PDE8A: variants seen among roughly 807,000 people sequenced by gnomAD.
PDE8A encodes the protein phosphodiesterase 8A.
PDE8A carries 59 observed loss-of-function variants against 105.0 expected under a neutral mutation model. The ratio of observed to expected loss-of-function variants is 0.56; its 90% CI spans 0.46 to 0.70. The LOEUF (loss-of-function observed/expected upper bound fraction) is 0.70, where lower values mean the gene tolerates loss of function less well. Ranked by LOEUF, PDE8A falls within the 30% of genes least tolerant of loss-of-function variation. PDE8A has a pLI of 0.00. For missense variants in PDE8A, 1,014 were observed against 1,045.9 expected (o/e 0.97, Z 0.42); for synonymous variants, 355 against 371.9 (o/e 0.95, Z 0.52).
intron 3 of PDE8A, among the ~76,000 whole-genome samples, chr15:85,069,750 C>T (rs554496386): frequency 7.2e-5 from 11 of 152,240 alleles, no homozygotes; most frequent in African/African-American, 2.2e-4. Flanking sequence ...ATGTAATCCC[C>T]GATCACATTT....
intron 1 of PDE8A, among the ~76,000 whole-genome samples, chr15:85,061,781 AT>A (rs899516883): frequency 6.6e-6 from 1 of 151,754 alleles, no homozygotes. Context: ...TCTGTTCACT[AT>A]TTTTTTAAAG....
intron 1 of PDE8A, among the ~76,000 whole-genome samples, chr15:85,061,856 C>T (rs2081151268): frequency 6.6e-6 from 1 of 152,092 alleles, no homozygotes; most frequent in African/African-American, 2.4e-5. Context: ...CTCATTCTTT[C>T]TTTTGCCTGC....
intron 1 of PDE8A, among the ~76,000 whole-genome samples, chr15:85,029,263 T>C (rs923567792): frequency 4.6e-5 from 7 of 152,186 alleles, no homozygotes; most frequent in African/African-American, 1.4e-4. Context: ...GACTATTTTT[T>C]TAATGACCCA....
chr15:85,110,683 ATCT>A (rs1461047336), intron 12 of PDE8A, among the ~76,000 whole-genome samples: 17 of 152,282 alleles, frequency 1.1e-4, no homozygotes, highest in South Asian at 6.2e-4. Flanking sequence ...TTGTGTGCAC[ATCT>A]TCTTCTTGTT....
chr15:85,115,147 C>T, intron 14 of PDE8A: 1 of 386,898 alleles, frequency 2.6e-6, no homozygotes, highest in Non-Finnish European at 4.6e-6. Context: ...GCTTAAAGAC[C>T]ACCCACCCCT....
At chr15:85,039,060 G>C (rs1201844320) in intron 1 of PDE8A, among the ~76,000 whole-genome samples, 2 of 151,718 alleles carry the variant, frequency 1.3e-5, no homozygotes, top group African/African-American at 4.8e-5. Context: ...GGCAGAGGTT[G>C]CAGTGAGCCG....
intron 5 of PDE8A, among the ~76,000 whole-genome samples, chr15:85,079,532 A>C (rs1298966862): frequency 6.6e-6 from 1 of 152,240 alleles, no homozygotes; most frequent in African/African-American, 2.4e-5. Flanking sequence ...GGAAATAGGG[A>C]GTTTACAGCA....
chr15:85,074,681 A>C (rs2081357455), intron 3 of PDE8A, among the ~76,000 whole-genome samples: 2 of 152,216 alleles, frequency 1.3e-5, no homozygotes, highest in African/African-American at 4.8e-5. Flanking sequence ...TCTCAAAAAG[A>C]TGGGGGCATC....
At chr15:85,089,262 T>G in intron 6 of PDE8A, 76 bp from the exon 7 acceptor site, 6 of 797,906 alleles carry the variant, frequency 7.5e-6, no homozygotes, top group Non-Finnish European at 1.2e-5. Context: ...AAAAATACAT[T>G]TAAATAATGT....
Position 85,100,152 on chromosome 15 carries a change from T to C in PDE8A, c.994-4T>C, listed in dbSNP as rs1015416290. 6 of 1,613,956 alleles carry C rather than the reference T, an allele frequency of 3.7e-6. No homozygotes were observed. Among genetic ancestry groups the C allele is most frequent in the South Asian group, 3.3e-5 (3 of 91,078 alleles). On this transcript the variant is annotated splice_region_variant and splice_polypyrimidine_tract_variant and intron_variant, in intron 10 of 21. Transcript: ENST00000394553. ...AACTAATGGCTTTTAAAATTCACTT[T>C]TAGGCTGAGAAAATATCCGAATGTG...
intron 1 of PDE8A, among the ~76,000 whole-genome samples, chr15:85,042,834 A>G (rs2080831434): frequency 6.6e-6 from 1 of 152,258 alleles, no homozygotes; most frequent in South Asian, 2.1e-4. Context: ...GAAGCTTAGC[A>G]AAGTGAAGAA....
intron 8 of PDE8A, chr15:85,097,738 T>C: frequency 1.9e-6 from 1 of 534,428 alleles, no homozygotes. Flanking sequence ...ACTTAGACTA[T>C]GGTGACCTGA....
intron 2 of PDE8A, among the ~76,000 whole-genome samples, 165 bp downstream of exon 2, chr15:85,064,591 A>G (rs901363813): frequency 3.3e-5 from 5 of 152,354 alleles, no homozygotes; most frequent in Admixed American, 2.6e-4. Context: ...ATATAAGAGA[A>G]TATCCTGTTC....
intron 5 of PDE8A, among the ~76,000 whole-genome samples, chr15:85,078,704 C>T (rs1298274907): frequency 5.3e-5 from 8 of 152,016 alleles, no homozygotes. Flanking sequence ...CAAGGAAATG[C>T]TAAAGGATAT....
intron 17 of PDE8A, 194 bp from the exon 18 acceptor site, chr15:85,120,603 G>A: frequency 1.9e-6 from 1 of 530,412 alleles, no homozygotes. Flanking sequence ...TAACTTGTGT[G>A]AGACTAACAA....
At chr15:85,001,652 A>G (rs1161710710) in intron 1 of PDE8A, among the ~76,000 whole-genome samples, 1 of 152,190 alleles carries the variant, frequency 6.6e-6, no homozygotes, top group African/African-American at 2.4e-5. Context: ...CTTGTTGGGC[A>G]CCTGAAGACG....
intron 19 of PDE8A, among the ~76,000 whole-genome samples, chr15:85,125,522 G>A (rs1374937336): frequency 6.6e-6 from 1 of 152,190 alleles, no homozygotes; most frequent in Non-Finnish European, 1.5e-5. Context: ...CAGAACTGAA[G>A]TTCTTATCCT....
intron 12 of PDE8A, among the ~76,000 whole-genome samples, chr15:85,112,717 C>T (rs1043176536): frequency 1.3e-5 from 2 of 152,224 alleles, no homozygotes; most frequent in Admixed American, 6.5e-5. Context: ...TAGGATTGTT[C>T]GTGGAGATAC....
intron 14 of PDE8A, 99 bp downstream of exon 14, chr15:85,114,136 G>T: frequency 9.7e-7 from 1 of 1,030,398 alleles, no homozygotes; most frequent in Non-Finnish European, 1.5e-6. Context: ...GGCAGGCAGG[G>T]CTCTGTAGGG....
Sources: gnomAD v4.1 joint callset for allele counts (sites outside exome capture counted in the v4.1 genomes callset) on GRCh38, gnomAD v4.1.1 for gene constraint, MANE v1.5 for transcripts, NCBI Gene and HGNC (gene_info 2026-07-23, HGNC 2026-07-21) for gene names.